P3H1: variants seen among roughly 807,000 people sequenced by gnomAD.
P3H1 encodes growth suppressor 1.
Under a neutral mutation model 84.0 loss-of-function variants are expected in P3H1, and 69 were observed. That is an observed-to-expected ratio of 0.82 (90% CI 0.68 to 1.00). The LOEUF is 1.00. Among genes scored for constraint, P3H1 ranks in the 50% least tolerant of loss-of-function variants. The pLI, the probability that P3H1 is intolerant of heterozygous loss-of-function variation, is 0.00. For missense variants in P3H1, 878 were observed against 962.8 expected, an observed-to-expected ratio of 0.91 and a Z score of 1.17; for synonymous variants, 366 against 388.8, an observed-to-expected ratio of 0.94 and a Z score of 0.69.
At chr1:42,762,286 A>T in intron 2 of P3H1, 37 bp downstream of exon 2, 1 of 1,595,686 alleles carries the variant, frequency 6.3e-7, no homozygotes, top group Non-Finnish European at 8.6e-7. Flanking sequence ...TAAATTTAAA[A>T]AGAAAGAAAG....
At chr1:42,763,785 A>T (rs1446993552) in intron 1 of P3H1, among the ~76,000 whole-genome samples, 1 of 151,972 alleles carries the variant, frequency 6.6e-6, no homozygotes, top group Non-Finnish European at 1.5e-5. Context: ...CAGGTTTCAT[A>T]TATAGAATCC....
rs759872609 is a variant in P3H1 at position 42,750,166 on chromosome 1, G to T, written c.1720+20C>A. On this transcript the variant is annotated intron_variant, in intron 11 of 14. Coordinates refer to ENST00000296388, the MANE Select transcript of P3H1 (RefSeq NM_022356.4). ...GGTACAGCATGCGGGGGCGGGTGCT[G>T]CAGGGGTAATGAGGCCCACCTTCGA... 13 of 1,609,880 alleles carry T rather than the reference G, an allele frequency of 8.1e-6. No homozygotes were observed. In the South Asian group the frequency reaches 1.4e-4, roughly 18 times the overall value.
At chr1:42,750,642 A>G (rs1276333324) in intron 10 of P3H1, among the ~76,000 whole-genome samples, 10 of 33,886 alleles carry the variant, frequency 3.0e-4, no homozygotes, top group Admixed American at 4.9e-4. Context: ...CCCGTCCGGG[A>G]GGGAGGCCGG....
chr1:42,759,372 C>A lies in P3H1; in HGVS notation c.637G>T (p.Val213Leu), dbSNP rs746488197. Residue 213 changes from valine (V) to leucine (L), a missense_variant, in exon 3 of 15, where the codon GTG becomes TTG. By Grantham distance (32) the Val-to-Leu change is conservative. Coordinates refer to ENST00000296388, the MANE Select transcript of P3H1 (RefSeq NM_022356.4). ...QPHMQEFRLGVRLYSEEQPQE... is the reference protein window; with the variant it reads ...QPHMQEFRLGLRLYSEEQPQE... Reference sequence around the variant, plus strand: ...GGCTGTTCCTCTGAGTAGAGTCGCACTCCCAGTCGAAATTCTTGCTACTGG... The same window carrying A: ...GGCTGTTCCTCTGAGTAGAGTCGCAATCCCAGTCGAAATTCTTGCTACTGG... The A allele has an allele frequency of 6.2e-7, 1 of 1,614,156 alleles. No individual in the cohort carries two copies. The highest frequency in any genetic ancestry group is 8.5e-7 in the Non-Finnish European group (1 of 1,180,036).
intron 8 of P3H1, 101 bp from the exon 9 acceptor site, chr1:42,752,765 T>G: frequency 2.7e-5 from 39 of 1,420,962 alleles, no homozygotes; most frequent in Non-Finnish European, 3.2e-5. Flanking sequence ...ATTCCAGCTG[T>G]TTCCTTTTCA....
At chr1:42,765,549 T>C (rs747864184) in intron 1 of P3H1, among the ~76,000 whole-genome samples, 4 of 151,874 alleles carry the variant, frequency 2.6e-5, no homozygotes, top group Admixed American at 1.3e-4. Context: ...ACCAAAGACA[T>C]AACGCAATTA....
Position 42,748,282 on chromosome 1 carries a change from C to T in P3H1, c.1756G>A (p.Val586Ile). The T allele has an allele frequency of 6.2e-7, 1 of 1,614,072 alleles. No individual in the cohort carries two copies. The highest frequency in any genetic ancestry group is 1.6e-4 in the Middle Eastern group (1 of 6,062). ...TTCAGGATGCAGTTGTCCACGTGGA[C>T]TGGATGACTATCATCCTTCCTCTCT... ...QAERKDDSHP[V>I]HVDNCILNAE... Residue 586 changes from valine to isoleucine, a missense_variant, in exon 12 of 15, where the codon GTC (valine) becomes ATC (isoleucine). By Grantham distance (29) the Val-to-Ile change is conservative. Transcript: ENST00000296388.
At chr1:42,747,622 G>T (rs1422220812) in intron 13 of P3H1, 101 bp downstream of exon 13, 2 of 1,350,158 alleles carry the variant, frequency 1.5e-6, no homozygotes, top group Non-Finnish European at 2.1e-6. Flanking sequence ...ACCGCCCACT[G>T]GGAAGCCCAG....
chr1:42,749,871 G>A (rs1339762024), intron 11 of P3H1: 1 of 383,472 alleles, frequency 2.6e-6, no homozygotes, highest in Non-Finnish European at 5.0e-6. Context: ...ACCCTAACCC[G>A]GAGGCAGGTC....
At chr1:42,766,403 C>G in intron 1 of P3H1, 104 bp downstream of exon 1, 1 of 1,071,870 alleles carries the variant, frequency 9.3e-7, no homozygotes, top group Non-Finnish European at 1.4e-6. Context: ...GGCCACTTTC[C>G]CCTCCCTGCG....
Position 42,767,017 on chromosome 1 carries a change from C to T in P3H1, c.-46G>A. ...AACCGCCAGCCACCCGCCACCAAGG[C>T]CGGAGTCCTACCCCCGGCGAAGGCC... On this transcript the variant is annotated 5_prime_UTR_variant, in exon 1 of 15. Transcript: ENST00000296388. The T allele has an allele frequency of 6.3e-7, 1 of 1,590,574 alleles. No homozygotes were observed. Among genetic ancestry groups the T allele is most frequent in the Non-Finnish European group, 8.5e-7 (1 of 1,173,408 alleles).
In P3H1 at chr1:42,766,946, AGCAGCTTCAACGC is replaced by A; in HGVS notation, c.13_25del (p.Ala5Ter). 1 of 1,609,288 alleles carries A rather than the reference AGCAGCTTCAACGC, an allele frequency of 6.2e-7. No individual in the cohort carries two copies. The highest frequency in any genetic ancestry group is 1.3e-5 in the African/African-American group (1 of 75,058). On this transcript the variant is annotated frameshift_variant, in exon 1 of 15. Transcript: ENST00000296388. LOFTEE classifies it high-confidence loss of function. ...GGCCACGACAGCCAGCAGTGTGGTC[AGCAGCTTCAACGC>A]GCGTACCGCCATCGCTCCCTCAGAC...
At position 42,766,751 on chromosome 1, in the gene P3H1, C is replaced by T. The variant is rs201346423; in HGVS notation, c.221G>A (p.Arg74His). 6.3e-7 allele frequency: 1 copy of T among 1,584,662 alleles called. No homozygotes were observed. Residue 74 changes from arginine (R) to histidine (H), a missense_variant, in exon 1 of 15, where the codon CGC (arginine) becomes CAC (histidine). By Grantham distance (29) the Arg-to-His change is conservative. Coordinates refer to ENST00000296388, the MANE Select transcript of P3H1 (RefSeq NM_022356.4). ...SRAALRALRL[R>H]CRTQCAADFP... ...GTCGGCGGCACACTGGGTGCGGCAG[C>T]GCAGGCGAAGGGCGCGGAGGGCTGC...
rs1380379483 is a variant in P3H1, at chr1:42,746,821, A to G, written c.2087T>C (p.Met696Thr). The G allele has an allele frequency of 1.2e-6, 2 of 1,610,066 alleles. No homozygotes were observed. The highest frequency in any genetic ancestry group is 2.7e-5 in the African/African-American group (2 of 74,864). ...DRVQADDLVK[M>T]LFSPEEMDLS... ...GTCCATCTCTTCTGGGCTGAAGAGC[A>G]TCTTCACCAGGTCATCTGCCTGCAC... is the stretch of plus-strand genomic sequence containing the variant. The change falls in exon 15 of 15, where the codon ATG (methionine) becomes ACG (threonine). Residue 696 changes from methionine to threonine, a missense_variant. Transcript: ENST00000296388.
At position 42,755,558 on chromosome 1, in the gene P3H1, A is replaced by G. The variant is rs370694551; in HGVS notation, c.1160T>C (p.Phe387Ser). 1.2e-6 allele frequency: 2 copies of G among 1,613,038 alleles called. No individual in the cohort carries two copies. The highest frequency in any genetic ancestry group is 1.3e-5 in the African/African-American group (1 of 74,858). The change falls in exon 6 of 15, where the codon TTT (phenylalanine) becomes TCT (serine). Residue 387 changes from phenylalanine to serine, a missense_variant. Phe to Ser is a radical substitution (Grantham distance 155). Coordinates refer to ENST00000296388, the MANE Select transcript of P3H1 (RefSeq NM_022356.4). The part of the protein sequence containing the change: ...FFAYDVFGIP[F>S]VDPDSWTPEE... ...TGTACCCTAGCTCACCGGATCCACA[A>G]AGGGAATTCCAAAAACATCATAAGC...
chr1:42,763,084 C>CAA (rs879470343), intron 1 of P3H1, among the ~76,000 whole-genome samples: 2 of 123,252 alleles, frequency 1.6e-5, no homozygotes, highest in South Asian at 2.6e-4. Context: ...GACCCTGACT[C>CAA]AAAAAAAAAA....
chr1:42,748,786 G>T, intron 11 of P3H1: 2 of 267,304 alleles, frequency 7.5e-6, no homozygotes, highest in Non-Finnish European at 1.5e-5. Context: ...CTGGGGTGGG[G>T]TGGGTGGAGA....
intron 1 of P3H1, 34 bp downstream of exon 1, chr1:42,766,473 G>A: frequency 6.4e-7 from 1 of 1,551,490 alleles, no homozygotes; most frequent in African/African-American, 1.4e-5. Context: ...TCCCCAGAAG[G>A]ACCCCGGCCG....
rs1306034404 is a variant in P3H1, at chr1:42,747,721, A to G, written c.1914+2T>C. ...CAGGGACAAGGACAAGGGAGCACTC[A>G]CCGTCACGGTCTTGGCATCCAGTTC... On this transcript the variant is annotated splice_donor_variant, in intron 13 of 14. Coordinates refer to ENST00000296388, the MANE Select transcript of P3H1 (RefSeq NM_022356.4). LOFTEE classifies it high-confidence loss of function. 1.2e-6 allele frequency: 2 copies of G among 1,613,920 alleles called. No homozygotes were observed. The highest frequency in any genetic ancestry group is 8.5e-7 in the Non-Finnish European group (1 of 1,179,918).
Sources: gnomAD v4.1 joint callset for allele counts (sites outside exome capture counted in the v4.1 genomes callset) on GRCh38, gnomAD v4.1.1 for gene constraint, MANE v1.5 for transcripts, NCBI Gene and HGNC (gene_info 2026-07-23, HGNC 2026-07-21) for gene names.